JAKMIP1: variants seen among roughly 807,000 people sequenced by gnomAD.
JAKMIP1 encodes the protein janus kinase and microtubule interacting protein 1.
In JAKMIP1, 33 loss-of-function variants were observed where a neutral mutation model predicts 113.0. That is an observed-to-expected ratio of 0.29 (90% confidence interval 0.22 to 0.39). The LOEUF is 0.39. Ranked by LOEUF, JAKMIP1 falls within the 10% of genes least tolerant of loss-of-function variation. The pLI is 1.00. For missense variants in JAKMIP1, 813 were observed against 1,080.5 expected (o/e 0.75, Z 3.47); for synonymous variants, 480 against 459.9 (o/e 1.04, Z -0.56).
At position 6,040,911 on chromosome 4, in the gene JAKMIP1, A is replaced by G. The variant is rs1278769652; in HGVS notation, c.2098-195T>C. Among the ~76,000 whole-genome samples the G allele has an allele frequency of 6.6e-6, 1 of 152,160 alleles. No homozygotes were observed. The highest frequency in any genetic ancestry group is 1.5e-5 in the Non-Finnish European group (1 of 68,040). On this transcript the variant is annotated intron_variant, in intron 17 of 20. Transcript: ENST00000409021. This position sits in a 1 kb window ranked among gnomAD's most constrained non-coding sequence, Gnocchi z 5.8. ...CTCACTGACCTGGGGCACCCTTGACAGCCACACCTGGATCCTTGGTGAAGA... is the reference window on the plus strand; with the variant it reads ...CTCACTGACCTGGGGCACCCTTGACGGCCACACCTGGATCCTTGGTGAAGA...
chr4:6,173,869 A>G (rs1725029053), intron 1 of JAKMIP1, among the ~76,000 whole-genome samples: 1 of 152,176 alleles, frequency 6.6e-6, no homozygotes, highest in African/African-American at 2.4e-5. Flanking sequence ...CGAGGCCAAG[A>G]GTTTGAGACC....
chr4:6,040,197 A>G lies in JAKMIP1; in HGVS notation c.2175+442T>C, dbSNP rs1281347295. On this transcript the variant is annotated intron_variant, in intron 18 of 20. Coordinates refer to ENST00000409021, the MANE Select transcript of JAKMIP1 (RefSeq NM_001099433.2). This position sits in a 1 kb window ranked among gnomAD's most constrained non-coding sequence, Gnocchi z 5.8. ...AATTTTGCAACCCAAATGCAGTATT[A>G]CATCCGACCTTATACCTCGTCCCTT... is the stretch of plus-strand genomic sequence containing the variant. Among the ~76,000 whole-genome samples, 1 of 152,238 alleles carries G rather than the reference A, an allele frequency of 6.6e-6. No individual in the cohort carries two copies. The highest frequency in any genetic ancestry group is 1.9e-4 in the East Asian group (1 of 5,192).
chr4:6,132,357 G>A (rs1718620611), intron 1 of JAKMIP1, among the ~76,000 whole-genome samples: 1 of 152,130 alleles, frequency 6.6e-6, no homozygotes, highest in Non-Finnish European at 1.5e-5. Context: ...AACCACAGAA[G>A]GCAGCTGGGC....
intron 8 of JAKMIP1, among the ~76,000 whole-genome samples, chr4:6,068,268 G>T (rs1255212815): frequency 6.6e-6 from 1 of 152,160 alleles, no homozygotes; most frequent in East Asian, 1.9e-4. Flanking sequence ...GTTTAAAGTA[G>T]AGCAACCTTA....
At chr4:6,053,711 AAAG>A (rs1715968475) in intron 13 of JAKMIP1, 6 of 1,048,590 alleles carry the variant, frequency 5.7e-6, no homozygotes, top group Admixed American at 4.6e-5. Flanking sequence ...CGCATGCAGG[AAAG>A]AAGTAGTTAT....
chr4:6,049,152 C>G lies in JAKMIP1; in HGVS notation c.1963-230G>C, dbSNP rs572211715. Among the ~76,000 whole-genome samples, 1 of 152,250 alleles carries G rather than the reference C, an allele frequency of 6.6e-6. No homozygotes were observed. The highest frequency in any genetic ancestry group is 2.4e-5 in the African/African-American group (1 of 41,544). ...AAGTGATTCTCTTGCCTCAGCCTCCCGAGTAGCTGGGATTACAGCAGCTGG... is the reference window on the plus strand; with the variant it reads ...AAGTGATTCTCTTGCCTCAGCCTCCGGAGTAGCTGGGATTACAGCAGCTGG... On this transcript the variant is annotated intron_variant, in intron 15 of 20. Transcript: ENST00000409021. This position sits in a 1 kb window ranked among gnomAD's most constrained non-coding sequence, Gnocchi z 7.0.
rs1027251458 is a variant in JAKMIP1, at chr4:6,076,138, T to C, written c.1302+2801A>G. Among the ~76,000 whole-genome samples the C allele has an allele frequency of 6.6e-6, 1 of 152,158 alleles. No homozygotes were observed. The highest frequency in any genetic ancestry group is 1.5e-5 in the Non-Finnish European group (1 of 68,030). On this transcript the variant is annotated intron_variant, in intron 8 of 20. Coordinates refer to ENST00000409021, the MANE Select transcript of JAKMIP1 (RefSeq NM_001099433.2). The surrounding 1 kb of genome is among the most constrained non-coding windows in gnomAD (Gnocchi z 4.8). Reference sequence around the variant, plus strand: ...TTGCAATGAGCCGAGATTGTGCCATTGCACTCCAGCCCAGGCAACAAGAGC... The same window carrying C: ...TTGCAATGAGCCGAGATTGTGCCATCGCACTCCAGCCCAGGCAACAAGAGC...
In JAKMIP1 at chr4:6,142,393, C is replaced by A. The variant is rs559647389; in HGVS notation, c.-147-29396G>T. 6.6e-6 allele frequency among the ~76,000 whole-genome samples: 1 copy of A among 152,204 alleles called. No homozygotes were observed. Among genetic ancestry groups the A allele is most frequent in the African/African-American group, 2.4e-5 (1 of 41,444 alleles). On this transcript the variant is annotated intron_variant, in intron 1 of 20. Coordinates refer to ENST00000409021, the MANE Select transcript of JAKMIP1 (RefSeq NM_001099433.2). The surrounding 1 kb of genome is among the most constrained non-coding windows in gnomAD (Gnocchi z 5.5). ...GCAGTTTCTCGTGTTCTGTCCTTCCCGAGTCCAGTGTTTTTTAAACGACTG... is the reference window on the plus strand; with the variant it reads ...GCAGTTTCTCGTGTTCTGTCCTTCCAGAGTCCAGTGTTTTTTAAACGACTG...
At position 6,042,387 on chromosome 4, in the gene JAKMIP1, C is replaced by T. The variant is rs1036635586; in HGVS notation, c.2029-160G>A. ...ACACACATGCCTGATCTGTGGATGG[C>T]GTGGTTGTGTGTGCATGGTCCAGCC... On this transcript the variant is annotated intron_variant, in intron 16 of 20. Transcript: ENST00000409021. The surrounding 1 kb of genome is among the most constrained non-coding windows in gnomAD (Gnocchi z 5.2). Among the ~76,000 whole-genome samples, 5 of 152,136 alleles carry T rather than the reference C, an allele frequency of 3.3e-5. No individual in the cohort carries two copies. The highest frequency in any genetic ancestry group is 2.1e-4 in the South Asian group (1 of 4,808).
chr4:6,115,498 C>T (rs931444879), intron 1 of JAKMIP1, among the ~76,000 whole-genome samples: 1 of 152,328 alleles, frequency 6.6e-6, no homozygotes, highest in East Asian at 1.9e-4. Flanking sequence ...CACTCAGTCA[C>T]AAATATGTGT....
At chr4:6,060,398 A>G in intron 11 of JAKMIP1, 26 bp downstream of exon 11, 1 of 1,570,078 alleles carries the variant, frequency 6.4e-7, no homozygotes, top group Non-Finnish European at 8.8e-7. Flanking sequence ...GCTAAGATTC[A>G]CAGAGCACAG....
chr4:6,154,714 A>T lies in JAKMIP1; in HGVS notation c.-147-41717T>A, dbSNP rs1199475367. Among the ~76,000 whole-genome samples, 1 of 151,914 alleles carries T rather than the reference A, an allele frequency of 6.6e-6. No homozygotes were observed. The highest frequency in any genetic ancestry group is 1.9e-4 in the East Asian group (1 of 5,166). On this transcript the variant is annotated intron_variant, in intron 1 of 20. Coordinates refer to ENST00000409021, the MANE Select transcript of JAKMIP1 (RefSeq NM_001099433.2). The surrounding 1 kb of genome is among the most constrained non-coding windows in gnomAD (Gnocchi z 4.2). The stretch of plus-strand genomic sequence containing the variant: ...GCCCGCTGAACCCCTCTTTCAGTTT[A>T]CTTACTACCCAGCCCACTCCTAACT...
intron 1 of JAKMIP1, among the ~76,000 whole-genome samples, chr4:6,195,334 C>T (rs540752348): frequency 1.3e-5 from 2 of 152,278 alleles, no homozygotes; most frequent in African/African-American, 4.8e-5. Context: ...TGGTAGCGCT[C>T]GTTGCTCAAC....
rs115798936 is a variant in JAKMIP1 at position 6,096,857 on chromosome 4, G to A, written c.624+8616C>T. ...ATACACTTATACATATAGCTGAAAG[G>A]TAATTTTATACAATATTTTTAATAA... On this transcript the variant is annotated intron_variant, in intron 3 of 20. Transcript: ENST00000409021. Among the ~76,000 whole-genome samples, 1,156 of 152,256 alleles carry A rather than the reference G, an allele frequency of 7.6e-3. 14 individuals are homozygous for A. Among genetic ancestry groups the A allele is most frequent in the African/African-American group, 0.027 (1,114 of 41,530 alleles).
In JAKMIP1 at chr4:6,044,294, A is replaced by G. The variant is rs933328732; in HGVS notation, c.2029-2067T>C. Among the ~76,000 whole-genome samples the G allele has an allele frequency of 2.6e-5, 4 of 152,150 alleles. No individual in the cohort carries two copies. Among genetic ancestry groups the G allele is most frequent in the Non-Finnish European group, 4.4e-5 (3 of 68,018 alleles). ...GCCTGGCACAGGGCTTGACACAAGC[A>G]GGTGCCTAATAAACTTCTGTCGAAT... On this transcript the variant is annotated intron_variant, in intron 16 of 20. Coordinates refer to ENST00000409021, the MANE Select transcript of JAKMIP1 (RefSeq NM_001099433.2). The surrounding 1 kb of genome is among the most constrained non-coding windows in gnomAD (Gnocchi z 4.4).
At chr4:6,147,629 C>G (rs1051503874) in intron 1 of JAKMIP1, among the ~76,000 whole-genome samples, 4 of 152,226 alleles carry the variant, frequency 2.6e-5, no homozygotes, top group African/African-American at 9.6e-5. Context: ...AAGCCCTAAC[C>G]ATCTGCATCC....
chr4:6,121,931 C>T (rs186811218), intron 1 of JAKMIP1, among the ~76,000 whole-genome samples: 40 of 152,304 alleles, frequency 2.6e-4, no homozygotes, highest in African/African-American at 8.2e-4. Context: ...CTTATACAAT[C>T]GTACATACAG....
At chr4:6,056,024 G>A (rs1399791520) in intron 12 of JAKMIP1, among the ~76,000 whole-genome samples, 2 of 145,566 alleles carry the variant, frequency 1.4e-5, no homozygotes, top group Non-Finnish European at 3.0e-5. Flanking sequence ...AGAGGTCGGG[G>A]CAGCCCTCCT....
intron 1 of JAKMIP1, among the ~76,000 whole-genome samples, chr4:6,151,417 A>G (rs1306923378): frequency 6.6e-6 from 1 of 151,948 alleles, no homozygotes; most frequent in East Asian, 1.9e-4. Flanking sequence ...CAAATCCCCA[A>G]ATGCTCAGCG....
Sources: gnomAD v4.1 joint callset for allele counts (sites outside exome capture counted in the v4.1 genomes callset) on GRCh38, gnomAD v4.1.1 for gene constraint, Gnocchi (gnomAD v3.1) non-coding constraint, MANE v1.5 for transcripts, NCBI Gene and HGNC (gene_info 2026-07-23, HGNC 2026-07-21) for gene names.